Variants in DDC observed in about 807,000 individuals in gnomAD.
DDC encodes dopa decarboxylase.
In DDC, 43 loss-of-function variants were observed where a neutral mutation model predicts 60.0. The observed-to-expected ratio is 0.72, with a 90% CI of 0.56 to 0.92. DDC has a LOEUF of 0.92. Ranked by LOEUF, DDC falls within the 40% of genes least tolerant of loss-of-function variation. The probability of loss-of-function intolerance (pLI) is 0.00; values close to 1 mark genes in which losing one functional copy is unlikely to be tolerated. For missense variants in DDC, 573 were observed against 620.2 expected, an observed-to-expected ratio of 0.92 and a Z score of 0.81; for synonymous variants, 232 against 234.6, an observed-to-expected ratio of 0.99 and a Z score of 0.10.
chr7:50,492,626 A>G, intron 9 of DDC: 2 of 1,068,100 alleles, frequency 1.9e-6, no homozygotes, highest in Non-Finnish European at 2.4e-6. Context: ...GCAGACTTCC[A>G]GACACCGCAG....
In DDC at chr7:50,458,586, A is replaced by T. The variant is rs2042175884; in HGVS notation, c.*276T>A. The T allele has an allele frequency of 1.3e-5, 2 of 152,262 alleles. No individual in the cohort carries two copies. Among genetic ancestry groups the T allele is most frequent in the Non-Finnish European group, 2.9e-5 (2 of 68,046 alleles). 9.4% of individuals were successfully genotyped at this position (152,262 alleles called of 1,614,324 possible). On this transcript the variant is annotated 3_prime_UTR_variant, in exon 15 of 15. Transcript: ENST00000444124. ...TCCTACCACTTCTGATGACTGCAAG[A>T]ACATGAAAATCTATAATGTTTTAAT...
At position 50,476,246 on chromosome 7, in the gene DDC, T is replaced by C. The variant is rs371755585; in HGVS notation, c.1041+378A>G. 5.3e-5 allele frequency among the ~76,000 whole-genome samples: 8 copies of C among 152,346 alleles called. No homozygotes were observed. In the South Asian group the frequency reaches 1.2e-3, roughly 24 times the overall value. ...GGCTGCTGAGATGACTGGCCCCACC[T>C]GGGAGCTTTTTCTGTTCCCTGACTC... On this transcript the variant is annotated intron_variant, in intron 11 of 14. Coordinates refer to ENST00000444124, the MANE Select transcript of DDC (RefSeq NM_001082971.2).
At chr7:50,550,580 GT>G (rs1465088224) in intron 1 of DDC, among the ~76,000 whole-genome samples, 2 of 152,184 alleles carry the variant, frequency 1.3e-5, no homozygotes, top group Non-Finnish European at 2.9e-5. Context: ...GCCAAGCTTG[GT>G]TTTATACATT....
At chr7:50,550,615 C>G (rs1260446613) in intron 1 of DDC, among the ~76,000 whole-genome samples, 2 of 152,198 alleles carry the variant, frequency 1.3e-5, no homozygotes, top group Non-Finnish European at 2.9e-5. Flanking sequence ...AGACATCAAT[C>G]AATTTGAAAG....
At chr7:50,554,637 C>A (rs1324429843) in intron 1 of DDC, among the ~76,000 whole-genome samples, 10 of 152,258 alleles carry the variant, frequency 6.6e-5, no homozygotes, top group Non-Finnish European at 1.3e-4. Context: ...TTGTCAGATT[C>A]TTTGATGAGA....
chr7:50,547,738 G>A (rs1010675935), intron 1 of DDC, among the ~76,000 whole-genome samples: 22 of 152,194 alleles, frequency 1.4e-4, no homozygotes, highest in Admixed American at 9.2e-4. Flanking sequence ...TATCATAATC[G>A]CATGTATTAG....
At chr7:50,469,022 C>T (rs894119973) in intron 12 of DDC, among the ~76,000 whole-genome samples, 1 of 148,658 alleles carries the variant, frequency 6.7e-6, no homozygotes, top group African/African-American at 2.5e-5. Flanking sequence ...TCATTGCAAC[C>T]TCTGCCTCCC....
intron 9 of DDC, chr7:50,492,582 G>T: frequency 1.5e-6 from 1 of 662,888 alleles, no homozygotes; most frequent in Non-Finnish European, 2.0e-6. Flanking sequence ...CCACTCCAGA[G>T]GATGGGAACT....
chr7:50,492,961 A>G (rs1177027238), intron 9 of DDC: 7 of 1,598,148 alleles, frequency 4.4e-6, no homozygotes, highest in African/African-American at 1.3e-5. Flanking sequence ...CGCACTGACT[A>G]AGCAGGTTTT....
intron 1 of DDC, among the ~76,000 whole-genome samples, chr7:50,546,448 G>GA (rs1412154303): frequency 6.6e-6 from 1 of 152,138 alleles, no homozygotes; most frequent in African/African-American, 2.4e-5. Context: ...GGGTGGAGGG[G>GA]AAAAAGGAAC....
chr7:50,550,274 G>C (rs140566656), intron 1 of DDC, among the ~76,000 whole-genome samples: 53 of 152,340 alleles, frequency 3.5e-4, no homozygotes, highest in African/African-American at 1.2e-3. Context: ...AGGATCAGAT[G>C]ATCGTTAGCA....
chr7:50,548,691 C>T (rs1010808208), intron 1 of DDC, among the ~76,000 whole-genome samples: 3 of 152,124 alleles, frequency 2.0e-5, no homozygotes, highest in African/African-American at 7.2e-5. Context: ...ACAGCAAGAG[C>T]CAGTGGAGAA....
intron 11 of DDC, 73 bp from the exon 12 acceptor site, chr7:50,470,244 T>C (rs2042499483): frequency 5.3e-6 from 6 of 1,129,504 alleles, no homozygotes; most frequent in Non-Finnish European, 8.1e-6. Flanking sequence ...GCTCACCGGC[T>C]CGCCTATTTC....
chr7:50,513,809 CCGCAGCAAG>C (rs1018230217), intron 6 of DDC, among the ~76,000 whole-genome samples: 14 of 152,212 alleles, frequency 9.2e-5, no homozygotes, highest in Admixed American at 8.5e-4. Context: ...CCCACAGCAG[CCGCAGCAAG>C]ACCCACCCAA....
At chr7:50,481,596 C>T (rs1012590567) in intron 9 of DDC, among the ~76,000 whole-genome samples, 15 of 152,204 alleles carry the variant, frequency 9.9e-5, no homozygotes, top group African/African-American at 3.6e-4. Context: ...GAATAAATCA[C>T]CACCCCCTGC....
intron 6 of DDC, among the ~76,000 whole-genome samples, chr7:50,518,763 T>C (rs1472521933): frequency 6.6e-6 from 1 of 152,184 alleles, no homozygotes; most frequent in Non-Finnish European, 1.5e-5. Flanking sequence ...GACTTAAACC[T>C]AAGACCTGAA....
intron 6 of DDC, among the ~76,000 whole-genome samples, chr7:50,520,917 A>C (rs1248787491): frequency 7.4e-5 from 1 of 13,542 alleles, no homozygotes; most frequent in African/African-American, 1.8e-4. Flanking sequence ...ATAAATAAAT[A>C]AATAAATAAA....
intron 4 of DDC, among the ~76,000 whole-genome samples, chr7:50,532,076 G>C (rs2044233009): frequency 6.6e-6 from 1 of 152,204 alleles, no homozygotes; most frequent in Non-Finnish European, 1.5e-5. Context: ...ATTTGACTCA[G>C]ACACGCATCA....
chr7:50,563,684 C>A (rs574013457), intron 1 of DDC, among the ~76,000 whole-genome samples: 53 of 152,296 alleles, frequency 3.5e-4, no homozygotes, highest in African/African-American at 1.2e-3. Flanking sequence ...TCACCGCAAC[C>A]TCCGCCTCCC....
Sources: gnomAD v4.1 joint callset for allele counts (sites outside exome capture counted in the v4.1 genomes callset) on GRCh38, gnomAD v4.1.1 for gene constraint, MANE v1.5 for transcripts, NCBI Gene and HGNC (gene_info 2026-07-23, HGNC 2026-07-21) for gene names.